The following FAM193A variants were observed in gnomAD, a reference collection of about 807,000 sequenced individuals.
FAM193A encodes the protein protein FAM193A.
FAM193A carries 22 observed loss-of-function variants against 126.5 expected under a neutral mutation model. That is an observed-to-expected ratio of 0.17 (90% confidence interval 0.12 to 0.25). The LOEUF is 0.25. Ranked by LOEUF, FAM193A falls within the 10% of genes least tolerant of loss-of-function variation. The pLI is 1.00. For synonymous variants in FAM193A, 761 were observed against 646.8 expected (o/e 1.18, Z -2.68); for missense variants, 1,675 against 1,672.8 (o/e 1.00, Z -0.02).
chr4:2,659,456 T>A lies in FAM193A; in HGVS notation c.1390-102T>A. ...TGGTCCTGTCCCGCTGAGGAAGCAG[T>A]GCCCGTGAACATGATACATGTCAGC... On this transcript the variant is annotated intron_variant, in intron 8 of 20. Coordinates refer to ENST00000637812, the MANE Select transcript of FAM193A (RefSeq NM_001366318.2). 3 of 797,316 alleles carry A rather than the reference T, an allele frequency of 3.8e-6. No homozygotes were observed. The South Asian group carries it at 4.9e-5, about 13-fold the overall frequency. 49.4% of individuals were successfully genotyped at this position (797,316 alleles called of 1,614,324 possible).
chr4:2,653,187 T>C (rs1745840713), intron 7 of FAM193A, among the ~76,000 whole-genome samples: 1 of 152,200 alleles, frequency 6.6e-6, no homozygotes, highest in Admixed American at 6.5e-5. Context: ...GACTGAAAAA[T>C]CCTTTGGGAA....
In FAM193A at chr4:2,663,204, G is replaced by C; in HGVS notation, c.1995G>C (p.Lys665Asn). The change falls in exon 12 of 21, where the codon AAG becomes AAC. Residue 665 changes from lysine to asparagine, a missense_variant. Transcript: ENST00000637812. ...GTGGGGAGCCCCCAGGGGCCCCGAA[G>C]GAAGATGGAGTGCTGGGAAGCAGGA... Reference protein sequence around the residue: ...ESSGEPPGAPKEDGVLGSRSP... With the variant: ...ESSGEPPGAPNEDGVLGSRSP... 4 of 1,614,176 alleles carry C rather than the reference G, an allele frequency of 2.5e-6. No homozygotes were observed. Among genetic ancestry groups the C allele is most frequent in the Non-Finnish European group, 3.4e-6 (4 of 1,180,016 alleles).
At chr4:2,727,914 A>G (rs1426763302) in intron 20 of FAM193A, among the ~76,000 whole-genome samples, 1 of 151,664 alleles carries the variant, frequency 6.6e-6, no homozygotes, top group East Asian at 1.9e-4. Flanking sequence ...ATGCGCCACC[A>G]TGCCTAGCTA....
At chr4:2,602,722 G>A (rs760404312) in intron 2 of FAM193A, among the ~76,000 whole-genome samples, 5 of 151,892 alleles carry the variant, frequency 3.3e-5, no homozygotes, top group South Asian at 2.1e-4. Context: ...GTGCAGTGGC[G>A]CGATCTCAGC....
chr4:2,581,808 C>T (rs917272248), intron 1 of FAM193A, among the ~76,000 whole-genome samples: 5 of 151,760 alleles, frequency 3.3e-5, no homozygotes, highest in African/African-American at 1.2e-4. Context: ...CCCCCGCCAC[C>T]ATGCACGGCT....
intron 2 of FAM193A, among the ~76,000 whole-genome samples, chr4:2,606,266 G>A (rs764045988): frequency 4.0e-5 from 6 of 151,826 alleles, no homozygotes; most frequent in African/African-American, 9.7e-5. Flanking sequence ...TGGTCAGGCC[G>A]GTCTTGAAAT....
At chr4:2,587,410 G>A (rs1281006304) in intron 1 of FAM193A, among the ~76,000 whole-genome samples, 1 of 152,232 alleles carries the variant, frequency 6.6e-6, no homozygotes, top group Admixed American at 6.5e-5. Flanking sequence ...CCCACCTCCA[G>A]CACTGGGTGT....
At chr4:2,629,251 C>G (rs183884483) in intron 4 of FAM193A, among the ~76,000 whole-genome samples, 1 of 150,990 alleles carries the variant, frequency 6.6e-6, no homozygotes, top group Admixed American at 6.6e-5. Context: ...GTCCGACATG[C>G]TAAGAGAACA....
At chr4:2,677,297 A>C (rs1184655264) in intron 13 of FAM193A, among the ~76,000 whole-genome samples, 3 of 152,004 alleles carry the variant, frequency 2.0e-5, no homozygotes, top group African/African-American at 7.2e-5. Flanking sequence ...GTTCTGTTCC[A>C]TTGGTCTGTA....
In FAM193A at chr4:2,660,000, C is replaced by A. The variant is rs942361586; in HGVS notation, c.1691C>A (p.Thr564Lys). The A allele has an allele frequency of 6.2e-7, 1 of 1,614,082 alleles. No individual in the cohort carries two copies. The highest frequency in any genetic ancestry group is 8.5e-7 in the Non-Finnish European group (1 of 1,180,048). Residue 564 changes from threonine (T) to lysine (K), a missense_variant, in exon 10 of 21, where the codon ACA (threonine) becomes AAA (lysine). Thr to Lys is a moderately conservative substitution (Grantham distance 78). Transcript: ENST00000637812. Reference sequence around the variant, plus strand: ...GGGTCCGGCTCCAGCTCTCCCATCACAATTCAGCAGCACCCCAGGCTCATC... The same window carrying A: ...GGGTCCGGCTCCAGCTCTCCCATCAAAATTCAGCAGCACCCCAGGCTCATC... ...SSGSGSSSPI[T>K]IQQHPRLILT...
chr4:2,545,285 G>A (rs773813427), intron 1 of FAM193A, among the ~76,000 whole-genome samples: 1 of 152,174 alleles, frequency 6.6e-6, no homozygotes, highest in Admixed American at 6.6e-5. Flanking sequence ...GAGCCACCAC[G>A]CCAGGCCCTC....
intron 1 of FAM193A, among the ~76,000 whole-genome samples, chr4:2,572,615 A>T (rs1739357631): frequency 6.6e-6 from 1 of 152,034 alleles, no homozygotes; most frequent in African/African-American, 2.4e-5. Context: ...CCTGTGCCAC[A>T]GCCTGGTGTG....
chr4:2,682,636 T>C (rs1715282432), intron 13 of FAM193A, among the ~76,000 whole-genome samples: 1 of 152,266 alleles, frequency 6.6e-6, no homozygotes, highest in Admixed American at 6.5e-5. Flanking sequence ...TTTATGGTTT[T>C]ATCTCCTCTG....
At chr4:2,645,247 T>A (rs1745018620) in intron 6 of FAM193A, among the ~76,000 whole-genome samples, 1 of 152,192 alleles carries the variant, frequency 6.6e-6, no homozygotes, top group Non-Finnish European at 1.5e-5. Flanking sequence ...TTCTAAGCCA[T>A]CCTTGTCAAG....
At position 2,693,622 on chromosome 4, in the gene FAM193A, G is replaced by C. The variant is rs1163873307; in HGVS notation, c.2840G>C (p.Arg947Thr). ...VFHGISKEDHRHSAPAAPRNS... is the reference protein window; with the variant it reads ...VFHGISKEDHTHSAPAAPRNS... ...CATGGCATCAGCAAGGAGGACCACAGACACTCGGCCCCAGCCGCCCCGAGG... is the reference window on the plus strand; with the variant it reads ...CATGGCATCAGCAAGGAGGACCACACACACTCGGCCCCAGCCGCCCCGAGG... The change falls in exon 16 of 21, where the codon AGA (arginine) becomes ACA (threonine). Residue 947 changes from arginine to threonine, a missense_variant. Arg to Thr is a moderately conservative substitution (Grantham distance 71). Transcript: ENST00000637812. 1 of 1,613,886 alleles carries C rather than the reference G, an allele frequency of 6.2e-7. No homozygotes were observed. Among genetic ancestry groups the C allele is most frequent in the Non-Finnish European group, 8.5e-7 (1 of 1,179,850 alleles).
intron 18 of FAM193A, among the ~76,000 whole-genome samples, chr4:2,697,077 C>T (rs1184689250): frequency 1.3e-5 from 2 of 152,136 alleles, no homozygotes; most frequent in African/African-American, 4.8e-5. Context: ...ACTGCTGTTC[C>T]AGATGAAGAC....
chr4:2,677,400 TTTG>T (rs1393052580), intron 13 of FAM193A, among the ~76,000 whole-genome samples: 2 of 151,426 alleles, frequency 1.3e-5, no homozygotes, highest in Non-Finnish European at 2.9e-5. Flanking sequence ...GGTGGGTTTT[TTTG>T]TTGTTTTGTT....
chr4:2,603,430 A>C (rs1055852880), intron 2 of FAM193A, among the ~76,000 whole-genome samples: 8 of 142,056 alleles, frequency 5.6e-5, no homozygotes, highest in African/African-American at 2.1e-4. Flanking sequence ...GATTACAGGT[A>C]TGCACTACCA....
At chr4:2,719,410 T>C (rs148869234) in intron 20 of FAM193A, among the ~76,000 whole-genome samples, 107 of 152,252 alleles carry the variant, frequency 7.0e-4, no homozygotes, top group African/African-American at 2.6e-3. Context: ...CATGAGCAAA[T>C]TGGTTTATCC....
Sources: allele counts gnomAD v4.1 joint callset (sites outside exome capture counted in the v4.1 genomes callset), GRCh38; gene constraint gnomAD v4.1.1; transcripts MANE v1.5; gene names NCBI Gene and HGNC (gene_info 2026-07-23, HGNC 2026-07-21).